The following PRKCA variants were observed in gnomAD, a reference collection of about 807,000 sequenced individuals.
PRKCA encodes protein kinase C alpha type.
A neutral mutation model predicts 87.0 loss-of-function variants in PRKCA; 27 were observed. That is an observed-to-expected ratio of 0.31 (90% CI 0.23 to 0.43). The LOEUF is 0.43. PRKCA is among the 20% of genes least tolerant of loss of function. The probability of loss-of-function intolerance (pLI) is 1.00; values close to 1 mark genes in which losing one functional copy is unlikely to be tolerated. For synonymous variants in PRKCA, 329 were observed against 311.1 expected, an observed-to-expected ratio of 1.06 and a Z score of -0.61; for missense variants, 518 against 852.3, an observed-to-expected ratio of 0.61 and a Z score of 4.88.
intron 3 of PRKCA, among the ~76,000 whole-genome samples, chr17:66,498,801 T>C (rs936665113): frequency 9.2e-5 from 14 of 152,256 alleles, no homozygotes; most frequent in African/African-American, 3.4e-4. Flanking sequence ...CTGGGCTGTA[T>C]GGGGCCCTGG....
intron 3 of PRKCA, among the ~76,000 whole-genome samples, chr17:66,639,712 G>A (rs1274366374): frequency 6.6e-6 from 1 of 152,022 alleles, no homozygotes; most frequent in East Asian, 2.0e-4. Context: ...AATAAACAGA[G>A]GAGGCTGGGC....
chr17:66,323,095 T>C lies in PRKCA; in HGVS notation c.205+16968T>C, dbSNP rs141412185. On this transcript the variant is annotated intron_variant, in intron 2 of 16. Transcript: ENST00000413366. ...TTGCATATTTCAAAATAATTGCAAA[T>C]GTCCTTAAATCTTTTTTAAATGATC... Among the ~76,000 whole-genome samples, 1,200 of 152,300 alleles carry C rather than the reference T, an allele frequency of 7.9e-3. 20 individuals carry two copies. Among genetic ancestry groups the C allele is most frequent in the African/African-American group, 0.027 (1,127 of 41,568 alleles).
At chr17:66,660,730 A>AT (rs1555632563) in intron 5 of PRKCA, among the ~76,000 whole-genome samples, 10 of 151,618 alleles carry the variant, frequency 6.6e-5, no homozygotes, top group East Asian at 1.9e-4. Flanking sequence ...TCTACTAAAA[A>AT]ATATATATAT....
At chr17:66,442,687 C>T (rs1172750981) in intron 2 of PRKCA, among the ~76,000 whole-genome samples, 1 of 152,166 alleles carries the variant, frequency 6.6e-6, no homozygotes, top group East Asian at 1.9e-4. Flanking sequence ...TTCATGTTCA[C>T]CTCTCCCATT....
At position 66,587,863 on chromosome 17, in the gene PRKCA, ATATG is replaced by A. The variant is rs1240764434; in HGVS notation, c.289-53486_289-53483del. ...TGTGTATCTACATATACATATATAC[ATATG>A]TATGTGTGTGTGTGTGTGTGTGTGT... is the stretch of plus-strand genomic sequence containing the variant. On this transcript the variant is annotated intron_variant, in intron 3 of 16. Transcript: ENST00000413366. 8.2e-4 allele frequency among the ~76,000 whole-genome samples: 47 copies of A among 57,278 alleles called. 4 individuals carry two copies. Among genetic ancestry groups the A allele is most frequent in the East Asian group, 3.8e-3 (12 of 3,126 alleles). The allele number at this position is 57,278 out of a possible 152,430, so 37.6% of individuals were successfully genotyped here. A position where few individuals can be genotyped will look rare whatever the true frequency, so the allele number is the denominator to read the frequency against.
chr17:66,361,333 A>G (rs1234551346), intron 2 of PRKCA, among the ~76,000 whole-genome samples: 1 of 146,840 alleles, frequency 6.8e-6, no homozygotes, highest in Non-Finnish European at 1.5e-5. Flanking sequence ...TTTTTTTAGG[A>G]CAGGGTCTCG....
rs923219700 is a variant in PRKCA, at chr17:66,732,962, T to C, written c.1056+137T>C. On this transcript the variant is annotated intron_variant, in intron 9 of 16. Transcript: ENST00000413366. ...GTCAGGAGATCAAGACCATCCTGGC[T>C]AACACGGTGAAGCCCCATCTCTACT... is the stretch of plus-strand genomic sequence containing the variant. The C allele has an allele frequency of 1.3e-4, 144 of 1,115,298 alleles. 1 individual carries two copies. Among genetic ancestry groups the C allele is most frequent in the Admixed American group, 2.5e-4 (9 of 36,052 alleles). The allele number at this position is 1,115,298 out of a possible 1,614,324, so 69.1% of individuals were successfully genotyped here.
At chr17:66,543,269 T>C (rs900417087) in intron 3 of PRKCA, among the ~76,000 whole-genome samples, 4 of 152,206 alleles carry the variant, frequency 2.6e-5, no homozygotes, top group African/African-American at 4.8e-5. Flanking sequence ...TATTTAATGT[T>C]CAAAAGAATG....
At position 66,489,051 on chromosome 17, in the gene PRKCA, T is replaced by A. The variant is rs1916104428; in HGVS notation, c.206-7150T>A. Among the ~76,000 whole-genome samples the A allele has an allele frequency of 1.3e-5, 2 of 152,044 alleles. 1 individual carries two copies. The highest frequency in any genetic ancestry group is 4.1e-4 in the South Asian group (2 of 4,824). The stretch of plus-strand genomic sequence containing the variant: ...ATTAATCCCTTCCAGCTAAGCAAAA[T>A]TTAATTAGAACCATATCACGTGATG... On this transcript the variant is annotated intron_variant, in intron 2 of 16. Coordinates refer to ENST00000413366, the MANE Select transcript of PRKCA (RefSeq NM_002737.3).
chr17:66,673,711 A>G (rs1054977562), intron 5 of PRKCA, among the ~76,000 whole-genome samples: 1 of 152,224 alleles, frequency 6.6e-6, no homozygotes, highest in African/African-American at 2.4e-5. Context: ...ATCTCAGTCT[A>G]TAATTACCCA....
intron 3 of PRKCA, among the ~76,000 whole-genome samples, chr17:66,611,658 T>C (rs1970367999): frequency 1.3e-5 from 2 of 152,258 alleles, no homozygotes; most frequent in African/African-American, 4.8e-5. Context: ...ACAGGTTTCA[T>C]GTGGACACAT....
chr17:66,371,624 C>T (rs1019105482), intron 2 of PRKCA, among the ~76,000 whole-genome samples: 3 of 152,142 alleles, frequency 2.0e-5, no homozygotes, highest in Admixed American at 6.5e-5. Context: ...CACTGGATGG[C>T]TATAAGATTG....
chr17:66,696,228 A>G (rs961463029), intron 8 of PRKCA, among the ~76,000 whole-genome samples: 3 of 152,246 alleles, frequency 2.0e-5, no homozygotes, highest in Non-Finnish European at 4.4e-5. Context: ...CCAGACTTCT[A>G]GGTTCAAATC....
chr17:66,528,232 A>C (rs1967413565), intron 3 of PRKCA, among the ~76,000 whole-genome samples: 1 of 151,878 alleles, frequency 6.6e-6, no homozygotes. Flanking sequence ...AAAAAAAAAA[A>C]AAAAAAAAAA....
intron 2 of PRKCA, among the ~76,000 whole-genome samples, chr17:66,348,257 T>A (rs1907529294): frequency 6.6e-6 from 1 of 152,034 alleles, no homozygotes; most frequent in Non-Finnish European, 1.5e-5. Context: ...TCAATAATTG[T>A]TAATGCTTCA....
intron 3 of PRKCA, among the ~76,000 whole-genome samples, chr17:66,558,694 GA>G (rs1465376351): frequency 6.6e-6 from 1 of 152,182 alleles, no homozygotes; most frequent in Non-Finnish European, 1.5e-5. Context: ...GTAAGGGGGG[GA>G]GGGAGGACAG....
chr17:66,686,766 C>T (rs1972639556), intron 5 of PRKCA, among the ~76,000 whole-genome samples: 1 of 152,096 alleles, frequency 6.6e-6, no homozygotes, highest in South Asian at 2.1e-4. Context: ...GCAAAGGTCA[C>T]CTGGGAATCT....
At chr17:66,783,210 C>T (rs941377045) in intron 14 of PRKCA, among the ~76,000 whole-genome samples, 1 of 152,162 alleles carries the variant, frequency 6.6e-6, no homozygotes, top group Non-Finnish European at 1.5e-5. Flanking sequence ...CATCTTATTC[C>T]ACCAGGCAAG....
rs375186674 is a variant in PRKCA, at chr17:66,803,864, T to C, written c.1855-9T>C. The C allele has an allele frequency of 2.5e-6, 4 of 1,612,870 alleles. No individual in the cohort carries two copies. In the African/African-American group the frequency reaches 5.3e-5, roughly 22 times the overall value. The stretch of plus-strand genomic sequence containing the variant: ...CTGACCTTTCCTTCTTTTTGTCTTT[T>C]CTCCACAGTGTGGCAAAGGAGCAGA... On this transcript the variant is annotated splice_polypyrimidine_tract_variant and intron_variant, in intron 16 of 16. Transcript: ENST00000413366. The surrounding 1 kb of genome is among the most constrained non-coding windows in gnomAD (Gnocchi z 4.4).
Sources: allele counts gnomAD v4.1 joint callset (sites outside exome capture counted in the v4.1 genomes callset), GRCh38; gene constraint gnomAD v4.1.1; non-coding constraint Gnocchi (gnomAD v3.1); transcripts MANE v1.5; gene names NCBI Gene and HGNC (gene_info 2026-07-23, HGNC 2026-07-21).